Variants in DACH2 observed in about 807,000 individuals in gnomAD.
The protein encoded by DACH2 is dachshund homolog 2.
DACH2 carries 17 observed loss-of-function variants against 35.8 expected under a neutral mutation model. That is an observed-to-expected ratio of 0.48 (90% CI 0.33 to 0.71). DACH2 has a LOEUF of 0.71. Ranked by LOEUF, DACH2 falls within the 30% of genes least tolerant of loss-of-function variation. DACH2 has a pLI of 0.02. For synonymous variants in DACH2, 195 were observed against 177.3 expected (o/e 1.10, Z -0.79); for missense variants, 469 against 472.7 (o/e 0.99, Z 0.07).
At chrX:86,557,408 T>C (rs1419470419) in intron 3 of DACH2, among the ~76,000 whole-genome samples, 2 of 108,521 alleles carry the variant, frequency 1.8e-5, no homozygotes, top group Non-Finnish European at 3.8e-5. Context: ...TGGCTTAGGA[T>C]TGACTTGGCG....
chrX:86,433,321 G>T (rs2037014765), intron 2 of DACH2, among the ~76,000 whole-genome samples: 1 of 111,403 alleles, frequency 9.0e-6, no homozygotes, highest in Non-Finnish European at 1.9e-5. Flanking sequence ...TGCCTGATTA[G>T]TTCCACATGG....
intron 3 of DACH2, among the ~76,000 whole-genome samples, chrX:86,525,352 T>G (rs906725178): frequency 1.8e-5 from 2 of 112,005 alleles, no homozygotes; most frequent in Non-Finnish European, 3.8e-5. Context: ...ATCATATAAC[T>G]TCAATAAAAT....
intron 2 of DACH2, among the ~76,000 whole-genome samples, chrX:86,462,344 G>A (rs1357864453): frequency 9.0e-6 from 1 of 111,414 alleles, no homozygotes; most frequent in Non-Finnish European, 1.9e-5. Context: ...GTTGTACAAA[G>A]CAGAATGCAT....
chrX:86,397,274 C>G (rs1423821973), intron 2 of DACH2, among the ~76,000 whole-genome samples: 1 of 111,660 alleles, frequency 9.0e-6, no homozygotes, highest in Non-Finnish European at 1.9e-5. Flanking sequence ...TGCTTATCAG[C>G]TTAAGGAGAT....
At chrX:86,546,485 CTCT>C (rs200230003) in intron 3 of DACH2, among the ~76,000 whole-genome samples, 10,534 of 82,186 alleles carry the variant, frequency 0.13, 764 homozygotes, top group African/African-American at 0.22. Context: ...CCTCTTCTTC[CTCT>C]TCTTCTTCTT....
At chrX:86,500,301 G>C in intron 2 of DACH2, among the ~76,000 whole-genome samples, 1 of 111,406 alleles carries the variant, frequency 9.0e-6, no homozygotes, top group East Asian at 2.8e-4. Context: ...ACCTTAATCA[G>C]TGCATTTCAG....
intron 1 of DACH2, among the ~76,000 whole-genome samples, chrX:86,215,708 A>G (rs2032555414): frequency 8.9e-6 from 1 of 111,815 alleles, no homozygotes; most frequent in Non-Finnish European, 1.9e-5. Flanking sequence ...GAGTACAAGC[A>G]CAAATGCTAG....
At position 86,282,939 on chromosome X, in the gene DACH2, G is replaced by A. The variant is rs1169834765; in HGVS notation, c.489-93885G>A. The stretch of plus-strand genomic sequence containing the variant: ...ACTACAGGCGCCCGCCACTACGCCC[G>A]GCTAATTTTTTGTATTTTTTAGTAG... On this transcript the variant is annotated intron_variant, in intron 1 of 11. Coordinates refer to ENST00000373125, the MANE Select transcript of DACH2 (RefSeq NM_053281.3). 2.8e-4 allele frequency among the ~76,000 whole-genome samples: 12 copies of A among 43,241 alleles called. 3 individuals carry two copies. Among genetic ancestry groups the A allele is most frequent in the Non-Finnish European group, 3.5e-5 (1 of 28,537 alleles). 37.5% of individuals were successfully genotyped at this position (43,241 alleles called of 115,157 possible). A position where few individuals can be genotyped will look rare whatever the true frequency, so the allele number is the denominator to read the frequency against.
At chrX:86,212,356 C>T (rs1433548244) in intron 1 of DACH2, among the ~76,000 whole-genome samples, 2 of 111,206 alleles carry the variant, frequency 1.8e-5, no homozygotes. Flanking sequence ...ATTTTATTAA[C>T]TAATATTCTG....
At chrX:86,681,622 T>A (rs1313878717) in intron 4 of DACH2, among the ~76,000 whole-genome samples, 2 of 105,059 alleles carry the variant, frequency 1.9e-5, no homozygotes, top group Admixed American at 2.1e-4. Context: ...TATATATATA[T>A]AATTATATAT....
chrX:86,169,598 C>G (rs189117198), intron 1 of DACH2, among the ~76,000 whole-genome samples: 1 of 109,869 alleles, frequency 9.1e-6, no homozygotes, highest in Non-Finnish European at 1.9e-5. Flanking sequence ...TTTTTGTCTC[C>G]TCTGTGTATT....
intron 1 of DACH2, among the ~76,000 whole-genome samples, chrX:86,212,749 G>C (rs1333772348): frequency 1.8e-5 from 2 of 110,835 alleles, no homozygotes; most frequent in Non-Finnish European, 1.9e-5. Flanking sequence ...TACTAATTTT[G>C]AATAGGTTAA....
intron 4 of DACH2, among the ~76,000 whole-genome samples, chrX:86,664,138 A>G (rs1231426859): frequency 3.6e-5 from 4 of 111,927 alleles, no homozygotes; most frequent in Non-Finnish European, 7.5e-5. Flanking sequence ...ACTGGGAGAA[A>G]CATCAATGGA....
At chrX:86,806,042 G>A (rs1038753262) in intron 7 of DACH2, among the ~76,000 whole-genome samples, 5 of 110,968 alleles carry the variant, frequency 4.5e-5, no homozygotes, top group Admixed American at 2.9e-4. Flanking sequence ...CTGCTTCCAC[G>A]TTTTTAGGTA....
At chrX:86,715,729 A>G (rs780615782) in intron 6 of DACH2, among the ~76,000 whole-genome samples, 13 of 111,931 alleles carry the variant, frequency 1.2e-4, no homozygotes, top group African/African-American at 4.2e-4. Context: ...AAGACAGACT[A>G]TGATGGATAA....
intron 7 of DACH2, among the ~76,000 whole-genome samples, chrX:86,740,721 T>C (rs1434189784): frequency 9.1e-6 from 1 of 109,869 alleles, no homozygotes; most frequent in East Asian, 2.9e-4. Flanking sequence ...GTATGCCACT[T>C]AACCACCATG....
At chrX:86,283,456 T>G (rs1460024584) in intron 1 of DACH2, among the ~76,000 whole-genome samples, 5 of 111,262 alleles carry the variant, frequency 4.5e-5, no homozygotes, top group Admixed American at 1.9e-4. Context: ...CTGTTCACAA[T>G]AGCAAAGACT....
At chrX:86,776,361 T>C in intron 7 of DACH2, among the ~76,000 whole-genome samples, 1 of 111,464 alleles carries the variant, frequency 9.0e-6, no homozygotes, top group Middle Eastern at 4.6e-3. Flanking sequence ...CTGAAGCTAA[T>C]TACTTCCCAA....
intron 3 of DACH2, among the ~76,000 whole-genome samples, chrX:86,520,155 T>C (rs918378913): frequency 8.9e-6 from 1 of 111,919 alleles, no homozygotes; most frequent in Admixed American, 9.5e-5. Flanking sequence ...CTTAATTTCA[T>C]TATTTACCCA....
Sources: allele counts gnomAD v4.1 joint callset (sites outside exome capture counted in the v4.1 genomes callset), GRCh38; gene constraint gnomAD v4.1.1; transcripts MANE v1.5; gene names NCBI Gene and HGNC (gene_info 2026-07-23, HGNC 2026-07-21).